ACO2: variants seen among roughly 807,000 people sequenced by gnomAD.
ACO2 encodes aconitase 2, also known as aconitate hydratase, mitochondrial.
In ACO2, 31 loss-of-function variants were observed where a neutral mutation model predicts 84.5. The observed-to-expected ratio is 0.37, with a 90% CI of 0.28 to 0.50. ACO2 has a LOEUF of 0.50. ACO2 is among the 20% of genes least tolerant of loss of function. ACO2 has a pLI of 0.97. For missense variants in ACO2, 685 were observed against 1,029.3 expected (o/e 0.67, Z 4.58); for synonymous variants, 414 against 412.7 (o/e 1.00, Z -0.04).
intron 14 of ACO2, among the ~76,000 whole-genome samples, chr22:41,525,615 T>C (rs1207707379): frequency 6.6e-6 from 1 of 152,158 alleles, no homozygotes; most frequent in Non-Finnish European, 1.5e-5. Flanking sequence ...CAGAGCCACC[T>C]CCAGTGGGTG....
chr22:41,492,317 CAG>C (rs2066277290), intron 1 of ACO2, among the ~76,000 whole-genome samples: 1 of 152,132 alleles, frequency 6.6e-6, no homozygotes, highest in African/African-American at 2.4e-5. Flanking sequence ...GTTGCTATAA[CAG>C]AATATCACAT....
rs746964497 is a variant in ACO2, at chr22:41,523,854, G to C, written c.1395G>C (p.Lys465Asn). Reference protein sequence around the residue: ...WDRKDIKKGEKNTIVTSYNRN... With the variant: ...WDRKDIKKGENNTIVTSYNRN... The stretch of plus-strand genomic sequence containing the variant: ...GGAAGGACATCAAGAAGGGGGAGAA[G>C]AACACAATCGTCACCTCCTACAACA... Residue 465 changes from lysine (K) to asparagine (N), a missense_variant, in exon 12 of 18, where the codon AAG (lysine) becomes AAC (asparagine). By Grantham distance (94) the Lys-to-Asn change is moderately conservative. Transcript: ENST00000216254. 5.0e-6 allele frequency: 8 copies of C among 1,612,240 alleles called. No homozygotes were observed. The highest frequency in any genetic ancestry group is 1.7e-5 in the Admixed American group (1 of 60,018).
intron 1 of ACO2, among the ~76,000 whole-genome samples, chr22:41,479,423 A>T (rs1321099173): frequency 6.6e-6 from 1 of 152,226 alleles, no homozygotes; most frequent in Non-Finnish European, 1.5e-5. Flanking sequence ...ACAGTGATGA[A>T]ACTGAGTCCC....
chr22:41,501,907 G>A (rs1045413792), intron 2 of ACO2, among the ~76,000 whole-genome samples: 4 of 152,110 alleles, frequency 2.6e-5, no homozygotes, highest in Non-Finnish European at 4.4e-5. Flanking sequence ...TGTCAAGGAC[G>A]GCTGTGACAG....
chr22:41,523,860 A>T lies in ACO2; in HGVS notation c.1401A>T (p.Thr467=). 2 of 1,612,182 alleles carry T rather than the reference A, an allele frequency of 1.2e-6. No homozygotes were observed. Among genetic ancestry groups the T allele is most frequent in the East Asian group, 4.5e-5 (2 of 44,878 alleles). ...RKDIKKGEKN[T]IVTSYNRNFT... Reference sequence around the variant, plus strand: ...ACATCAAGAAGGGGGAGAAGAACACAATCGTCACCTCCTACAACAGGAACT... The same window carrying T: ...ACATCAAGAAGGGGGAGAAGAACACTATCGTCACCTCCTACAACAGGAACT... Residue 467 remains threonine (T), a synonymous_variant, in exon 12 of 18, where the codon ACA becomes ACT. Transcript: ENST00000216254.
intron 1 of ACO2, among the ~76,000 whole-genome samples, chr22:41,485,627 T>A (rs2038144720): frequency 1.3e-5 from 2 of 151,802 alleles, no homozygotes; most frequent in Middle Eastern, 6.8e-3. Context: ...GTATTTTTAG[T>A]AGAGATGGGG....
Position 41,528,638 on chromosome 22 carries a change from C to T in ACO2, c.*25C>T, listed in dbSNP as rs754366467. ...AGGGCAGTGCCTCCCCGCCCCGCCG[C>T]TGGCGTCAAGTTCAGCTCCACGTGT... On this transcript the variant is annotated 3_prime_UTR_variant, in exon 18 of 18. Transcript: ENST00000216254. 4.4e-6 allele frequency: 7 copies of T among 1,608,480 alleles called. No individual in the cohort carries two copies. The highest frequency in any genetic ancestry group is 5.9e-6 in the Non-Finnish European group (7 of 1,178,868).
At chr22:41,512,547 C>G (rs898412772) in intron 4 of ACO2, among the ~76,000 whole-genome samples, 7 of 152,116 alleles carry the variant, frequency 4.6e-5, no homozygotes, top group Non-Finnish European at 8.8e-5. Context: ...TGGTCTGGAG[C>G]GAGTGCCCCA....
At chr22:41,516,683 C>T (rs930779400) in intron 6 of ACO2, among the ~76,000 whole-genome samples, 15 of 152,258 alleles carry the variant, frequency 9.9e-5, no homozygotes, top group Non-Finnish European at 5.9e-5. Flanking sequence ...AGTTCTGTGA[C>T]GCTTTGTGGT....
rs2066595648 is a variant in ACO2, at chr22:41,526,349, C to G, written c.1849C>G (p.Leu617Val). The change falls in exon 15 of 18, where the codon CTG becomes GTG. Residue 617 changes from leucine (L) to valine (V), a missense_variant. Transcript: ENST00000216254. ...RGHLDNISNNLLIGAINIENG... is the reference protein window; with the variant it reads ...RGHLDNISNNVLIGAINIENG... Reference sequence around the variant, plus strand: ...GCACTTGGATAACATCTCCAACAACCTGCTCATTGGTGCCATCAACATTGA... The same window carrying G: ...GCACTTGGATAACATCTCCAACAACGTGCTCATTGGTGCCATCAACATTGA... 6.2e-7 allele frequency: 1 copy of G among 1,613,550 alleles called. No homozygotes were observed. Among genetic ancestry groups the G allele is most frequent in the African/African-American group, 1.3e-5 (1 of 75,058 alleles).
At chr22:41,485,578 C>T (rs2038143607) in intron 1 of ACO2, among the ~76,000 whole-genome samples, 1 of 151,420 alleles carries the variant, frequency 6.6e-6, no homozygotes, top group Non-Finnish European at 1.5e-5. Flanking sequence ...GTAGCTGGGA[C>T]TACAGGCGCC....
At chr22:41,523,174 T>C (rs1304362294) in intron 10 of ACO2, 31 bp from the exon 11 acceptor site, 1 of 1,598,944 alleles carries the variant, frequency 6.3e-7, no homozygotes, top group South Asian at 1.1e-5. Flanking sequence ...TCACCCACCC[T>C]TGACATTCTG....
intron 1 of ACO2, among the ~76,000 whole-genome samples, chr22:41,471,590 C>A (rs1249291569): frequency 1.3e-5 from 2 of 152,148 alleles, no homozygotes; most frequent in East Asian, 3.8e-4. Flanking sequence ...GTGGAGCTTC[C>A]ACTGTATTCT....
intron 1 of ACO2, among the ~76,000 whole-genome samples, chr22:41,496,620 C>T (rs1473900906): frequency 6.6e-6 from 1 of 152,196 alleles, no homozygotes; most frequent in Non-Finnish European, 1.5e-5. Flanking sequence ...TAGCGTTTAT[C>T]ACTGCAGCAG....
rs545323108 is a variant in ACO2 at position 41,490,280 on chromosome 22, TGC to T, written c.37-9443_37-9442del. Among the ~76,000 whole-genome samples the T allele has an allele frequency of 8.5e-5, 13 of 152,224 alleles. No individual in the cohort carries two copies. In the South Asian group the frequency reaches 2.5e-3, roughly 29 times the overall value. ...GGCGGAGGTTGCAGCCAGCCGAGAC[TGC>T]GCCACTGCACTCCAGCCTGGGCGAC... is the stretch of plus-strand genomic sequence containing the variant. On this transcript the variant is annotated intron_variant, in intron 1 of 17. Transcript: ENST00000216254.
At chr22:41,484,323 A>G (rs2038124825) in intron 1 of ACO2, among the ~76,000 whole-genome samples, 1 of 151,958 alleles carries the variant, frequency 6.6e-6, no homozygotes, top group African/African-American at 2.4e-5. Context: ...GGGGAGGGAG[A>G]GATGCAGCAT....
At chr22:41,501,501 G>A (rs2066353629) in intron 2 of ACO2, among the ~76,000 whole-genome samples, 1 of 152,182 alleles carries the variant, frequency 6.6e-6, no homozygotes, top group African/African-American at 2.4e-5. Context: ...CTTCCACCTT[G>A]CTCTTCATCA....
chr22:41,524,801 A>C (rs2066564463), intron 12 of ACO2, 45 bp from the exon 13 acceptor site: 1 of 1,613,672 alleles, frequency 6.2e-7, no homozygotes, highest in South Asian at 1.1e-5. Context: ...AGGAGACAGG[A>C]GTGGCAATTG....
chr22:41,527,757 C>T, intron 16 of ACO2, 144 bp from the exon 17 acceptor site: 1 of 1,359,394 alleles, frequency 7.4e-7, no homozygotes, highest in Non-Finnish European at 1.0e-6. Context: ...TGAAAGGGAG[C>T]AGACCAGGGC....
Sources: gnomAD v4.1 joint callset for allele counts (sites outside exome capture counted in the v4.1 genomes callset) on GRCh38, gnomAD v4.1.1 for gene constraint, MANE v1.5 for transcripts, NCBI Gene and HGNC (gene_info 2026-07-23, HGNC 2026-07-21) for gene names.